TRHDE: variants seen among roughly 807,000 people sequenced by gnomAD.
TRHDE encodes thyrotropin releasing hormone degrading enzyme, also known as thyrotropin-releasing hormone-degrading ectoenzyme.
In TRHDE, 72 loss-of-function variants were observed where a neutral mutation model predicts 125.7. That is an observed-to-expected ratio of 0.57 (90% confidence interval 0.47 to 0.70). The LOEUF (loss-of-function observed/expected upper bound fraction) is 0.70. Among genes scored for constraint, TRHDE ranks in the 30% least tolerant of loss-of-function variants. The pLI, the probability that TRHDE is intolerant of heterozygous loss-of-function variation, is 0.00. For synonymous variants in TRHDE, 509 were observed against 509.1 expected (o/e 1.00, Z 0.00); for missense variants, 1,110 against 1,327.1 (o/e 0.84, Z 2.54).
chr12:72,168,704 A>G (rs1876807338), intron 2 of TRHDE, among the ~76,000 whole-genome samples: 1 of 152,200 alleles, frequency 6.6e-6, no homozygotes, highest in South Asian at 2.1e-4. Flanking sequence ...AACTGGAGAT[A>G]TTAGTGAAAT....
intron 2 of TRHDE, among the ~76,000 whole-genome samples, chr12:72,352,662 A>G (rs533658774): frequency 1.3e-5 from 2 of 151,910 alleles, no homozygotes; most frequent in South Asian, 4.1e-4. Flanking sequence ...AGATGTTCAT[A>G]AAGTTTAGGG....
At chr12:72,111,521 A>G (rs1467996405) in intron 2 of TRHDE, among the ~76,000 whole-genome samples, 1 of 152,176 alleles carries the variant, frequency 6.6e-6, no homozygotes, top group African/African-American at 2.4e-5. Flanking sequence ...CAATTTGACA[A>G]TTATCTCCCT....
intron 2 of TRHDE, among the ~76,000 whole-genome samples, chr12:72,168,472 G>A (rs1876801918): frequency 6.6e-6 from 1 of 152,194 alleles, no homozygotes; most frequent in East Asian, 1.9e-4. Context: ...TTCTCATTTA[G>A]AATGTGACTC....
In TRHDE at chr12:72,272,708, G is replaced by GAAA; in HGVS notation, c.65_66insAAA (p.Lys26dup). On this transcript the variant is annotated inframe_insertion, in exon 1 of 19. Transcript: ENST00000261180. The surrounding 1 kb of genome is among the most constrained non-coding windows in gnomAD (Gnocchi z 6.7). ...AAGAAAAAGAAGAAGAAAAAGAAGA[G>GAAA]GAAGAAGAAGAAGGAGGAGGAGGAG... 9.5e-7 allele frequency: 1 copy of GAAA among 1,047,474 alleles called. No individual in the cohort carries two copies. Among genetic ancestry groups the GAAA allele is most frequent in the East Asian group, 3.2e-5 (1 of 31,488 alleles). 64.9% of individuals were successfully genotyped at this position (1,047,474 alleles called of 1,614,324 possible).
chr12:72,654,034 CT>C (rs1260724068), intron 17 of TRHDE, among the ~76,000 whole-genome samples: 1 of 152,066 alleles, frequency 6.6e-6, no homozygotes, highest in African/African-American at 2.4e-5. Context: ...GACACATTGA[CT>C]TTTTTAATAT....
chr12:72,585,141 C>T (rs1268297903), intron 12 of TRHDE, among the ~76,000 whole-genome samples: 1 of 152,080 alleles, frequency 6.6e-6, no homozygotes, highest in Non-Finnish European at 1.5e-5. Flanking sequence ...GGGACTATAG[C>T]CTCTACAAGT....
chr12:72,217,460 A>G (rs1256304400), intron 2 of TRHDE, among the ~76,000 whole-genome samples: 1 of 152,184 alleles, frequency 6.6e-6, no homozygotes, highest in Non-Finnish European at 1.5e-5. Context: ...GGAAAAATTC[A>G]ATGGATATCT....
chr12:72,160,244 A>AAAGT (rs1347161192), intron 2 of TRHDE, among the ~76,000 whole-genome samples: 1 of 152,170 alleles, frequency 6.6e-6, no homozygotes, highest in African/African-American at 2.4e-5. Context: ...GTTGGAACTC[A>AAAGT]CAGTCAGTCA....
At chr12:72,649,558 G>T (rs932280813) in intron 15 of TRHDE, among the ~76,000 whole-genome samples, 1 of 152,036 alleles carries the variant, frequency 6.6e-6, no homozygotes, top group Non-Finnish European at 1.5e-5. Flanking sequence ...AAACTAAAAA[G>T]CTTCTGCACA....
At chr12:72,411,055 T>G (rs1372031161) in intron 3 of TRHDE, among the ~76,000 whole-genome samples, 1 of 151,606 alleles carries the variant, frequency 6.6e-6, no homozygotes, top group Non-Finnish European at 1.5e-5. Flanking sequence ...ACAAAAAAAT[T>G]AGCTGGGCGT....
At chr12:72,598,980 G>A (rs1301193329) in intron 12 of TRHDE, among the ~76,000 whole-genome samples, 1 of 152,066 alleles carries the variant, frequency 6.6e-6, no homozygotes, top group Non-Finnish European at 1.5e-5. Context: ...AAGAAAATGC[G>A]GTATTTCCTT....
At chr12:72,229,627 C>T (rs996701611) in intron 2 of TRHDE, among the ~76,000 whole-genome samples, 1 of 152,194 alleles carries the variant, frequency 6.6e-6, no homozygotes, top group Non-Finnish European at 1.5e-5. Flanking sequence ...GAAGGGAATT[C>T]AGTAGATGTA....
chr12:72,618,844 T>A, intron 12 of TRHDE, 47 bp from the exon 13 acceptor site: 1 of 1,408,086 alleles, frequency 7.1e-7, no homozygotes, highest in Non-Finnish European at 9.3e-7. Flanking sequence ...TAAGTAAAAA[T>A]CTTCGTTTGT....
intron 12 of TRHDE, chr12:72,611,075 G>A: frequency 5.9e-6 from 1 of 168,084 alleles, no homozygotes; most frequent in Non-Finnish European, 1.3e-5. Context: ...TTTAAAAGGA[G>A]CAGCTGGCTA....
chr12:72,621,615 T>C (rs758818756), intron 14 of TRHDE, 29 bp from the exon 15 acceptor site: 18 of 1,510,888 alleles, frequency 1.2e-5, no homozygotes, highest in Non-Finnish European at 1.5e-5. Context: ...ACTTTCTTTT[T>C]AATTTGTTTC....
chr12:72,119,783 A>G (rs1327669444), intron 2 of TRHDE, among the ~76,000 whole-genome samples: 1 of 152,212 alleles, frequency 6.6e-6, no homozygotes, highest in Non-Finnish European at 1.5e-5. Context: ...ATCATTATAT[A>G]ATAAGCTTGT....
At chr12:72,172,377 G>C (rs2139336077) in intron 2 of TRHDE, among the ~76,000 whole-genome samples, 1 of 152,284 alleles carries the variant, frequency 6.6e-6, no homozygotes, top group Non-Finnish European at 1.5e-5. Flanking sequence ...GTCCAAGCAA[G>C]TCTATCAAGT....
intron 2 of TRHDE, among the ~76,000 whole-genome samples, chr12:72,149,648 A>G (rs1047730789): frequency 6.6e-6 from 1 of 152,134 alleles, no homozygotes; most frequent in African/African-American, 2.4e-5. Flanking sequence ...ATTGTAAACA[A>G]CTAAATAAAA....
At chr12:72,419,985 C>A (rs1326881066) in intron 3 of TRHDE, among the ~76,000 whole-genome samples, 4 of 152,180 alleles carry the variant, frequency 2.6e-5, no homozygotes, top group South Asian at 4.1e-4. Flanking sequence ...TACAAATTAG[C>A]AAAACTGTAG....
Sources: allele counts gnomAD v4.1 joint callset (sites outside exome capture counted in the v4.1 genomes callset), GRCh38; gene constraint gnomAD v4.1.1; non-coding constraint Gnocchi (gnomAD v3.1); transcripts MANE v1.5; gene names NCBI Gene and HGNC (gene_info 2026-07-23, HGNC 2026-07-21).